The following PCDH7 variants were observed in gnomAD, a reference collection of about 807,000 sequenced individuals.
The protein encoded by PCDH7 is protocadherin-7.
A neutral mutation model predicts 58.9 loss-of-function variants in PCDH7; 17 were observed. The ratio of observed to expected loss-of-function variants is 0.29; its 90% CI spans 0.20 to 0.43. The LOEUF is 0.43. Ranked by LOEUF, PCDH7 falls within the 20% of genes least tolerant of loss-of-function variation. The pLI is 1.00. For missense variants in PCDH7, 1,274 were observed against 1,441.0 expected, an observed-to-expected ratio of 0.88 and a Z score of 1.88; for synonymous variants, 664 against 616.4, an observed-to-expected ratio of 1.08 and a Z score of -1.14.
At chr4:30,824,123 CTT>C (rs1340427583) in intron 1 of PCDH7, among the ~76,000 whole-genome samples, 1 of 144,590 alleles carries the variant, frequency 6.9e-6, no homozygotes, top group Non-Finnish European at 1.5e-5. Flanking sequence ...TTCTTTCTTT[CTT>C]TCTTTCTTTC....
intron 3 of PCDH7, among the ~76,000 whole-genome samples, chr4:31,065,701 T>G (rs1269641256): frequency 6.6e-6 from 1 of 151,964 alleles, no homozygotes; most frequent in African/African-American, 2.4e-5. Flanking sequence ...AAATTCACTT[T>G]ATGTTTTTGT....
intron 3 of PCDH7, among the ~76,000 whole-genome samples, chr4:31,140,995 C>T (rs1015474160): frequency 6.6e-5 from 10 of 152,114 alleles, no homozygotes; most frequent in Non-Finnish European, 1.2e-4. Context: ...AATCCCAGGA[C>T]GCTGTTTCAA....
At chr4:30,804,442 G>C (rs768302380) in intron 1 of PCDH7, among the ~76,000 whole-genome samples, 6 of 151,938 alleles carry the variant, frequency 3.9e-5, no homozygotes, top group Admixed American at 6.6e-5. Context: ...AGGAGGCTGA[G>C]GCAGGGGAAT....
intron 3 of PCDH7, among the ~76,000 whole-genome samples, chr4:30,979,214 T>C (rs1471937904): frequency 6.6e-6 from 1 of 151,078 alleles, no homozygotes; most frequent in Admixed American, 6.6e-5. Context: ...TAGTCCCAGA[T>C]GCTTGGGAGG....
chr4:30,892,461 C>T (rs978930322), intron 1 of PCDH7, among the ~76,000 whole-genome samples: 2 of 151,862 alleles, frequency 1.3e-5, no homozygotes, highest in African/African-American at 4.8e-5. Flanking sequence ...CTTAAATTAA[C>T]TGAGAAGGCA....
intron 1 of PCDH7, among the ~76,000 whole-genome samples, chr4:30,812,203 G>A (rs1727109848): frequency 6.6e-6 from 1 of 152,142 alleles, no homozygotes; most frequent in Admixed American, 6.6e-5. Flanking sequence ...AACTCTTGAT[G>A]TTCTAGTCTG....
intron 1 of PCDH7, among the ~76,000 whole-genome samples, chr4:30,914,641 T>A (rs1742186739): frequency 6.6e-6 from 1 of 152,226 alleles, no homozygotes; most frequent in Admixed American, 6.5e-5. Flanking sequence ...GCTCTATATT[T>A]TCTTAAAAAG....
intron 3 of PCDH7, among the ~76,000 whole-genome samples, chr4:30,976,744 A>G (rs1263705595): frequency 6.6e-6 from 1 of 152,174 alleles, no homozygotes; most frequent in Non-Finnish European, 1.5e-5. Context: ...AATATGGGAA[A>G]CACGTTTGGT....
At chr4:31,119,136 T>C (rs897121119) in intron 3 of PCDH7, among the ~76,000 whole-genome samples, 7 of 152,218 alleles carry the variant, frequency 4.6e-5, no homozygotes, top group Non-Finnish European at 7.3e-5. Context: ...ATATGTTTTC[T>C]TTCTTCATGA....
chr4:31,103,107 A>G (rs926215139), intron 3 of PCDH7, among the ~76,000 whole-genome samples: 4 of 152,208 alleles, frequency 2.6e-5, no homozygotes, highest in Non-Finnish European at 5.9e-5. Flanking sequence ...AATATTAGCT[A>G]TAATACAGGT....
intron 1 of PCDH7, among the ~76,000 whole-genome samples, chr4:30,892,601 T>G (rs1301583477): frequency 6.6e-6 from 1 of 152,058 alleles, no homozygotes; most frequent in Non-Finnish European, 1.5e-5. Flanking sequence ...CTGCATAGGT[T>G]TGTGAAAAAT....
At chr4:31,086,482 A>T (rs1712456078) in intron 3 of PCDH7, among the ~76,000 whole-genome samples, 2 of 152,196 alleles carry the variant, frequency 1.3e-5, no homozygotes, top group African/African-American at 2.4e-5. Context: ...AGGCTAAAAA[A>T]TGCTTGACCC....
At chr4:30,954,148 A>T (rs1446216572) in intron 3 of PCDH7, among the ~76,000 whole-genome samples, 1 of 152,028 alleles carries the variant, frequency 6.6e-6, no homozygotes, top group Admixed American at 6.6e-5. Context: ...ATTATGGCAC[A>T]CTCTGCAAGG....
chr4:30,810,551 T>A (rs2109313105), intron 1 of PCDH7, among the ~76,000 whole-genome samples: 1 of 152,134 alleles, frequency 6.6e-6, no homozygotes, highest in Admixed American at 6.5e-5. Flanking sequence ...AAATTATGAT[T>A]TTTTAAAAAA....
At chr4:30,982,105 A>G (rs1275051056) in intron 3 of PCDH7, among the ~76,000 whole-genome samples, 1 of 152,218 alleles carries the variant, frequency 6.6e-6, no homozygotes, top group Non-Finnish European at 1.5e-5. Flanking sequence ...GGGATAATGT[A>G]TATGTTAGTT....
intron 3 of PCDH7, among the ~76,000 whole-genome samples, chr4:31,121,598 A>C (rs1017585282): frequency 1.3e-5 from 2 of 152,172 alleles, no homozygotes; most frequent in African/African-American, 4.8e-5. Flanking sequence ...AAATATGATT[A>C]CTAGTTGAGA....
chr4:30,963,485 A>G (rs1748677470), intron 3 of PCDH7, among the ~76,000 whole-genome samples: 1 of 152,212 alleles, frequency 6.6e-6, no homozygotes, highest in Admixed American at 6.5e-5. Flanking sequence ...ATTTCACCTA[A>G]CAATGAGTAT....
chr4:31,007,727 G>A (rs551045051), intron 3 of PCDH7, among the ~76,000 whole-genome samples: 37 of 151,910 alleles, frequency 2.4e-4, no homozygotes, highest in Non-Finnish European at 3.5e-4. Flanking sequence ...ATTGTGTGCC[G>A]TATGTGGTAA....
intron 1 of PCDH7, among the ~76,000 whole-genome samples, chr4:30,819,648 A>C (rs967953230): frequency 1.3e-5 from 2 of 152,124 alleles, no homozygotes; most frequent in South Asian, 4.1e-4. Context: ...AACTAAGTTA[A>C]AGTTGGTTAT....
Sources: gnomAD v4.1 joint callset for allele counts (sites outside exome capture counted in the v4.1 genomes callset) on GRCh38, gnomAD v4.1.1 for gene constraint, MANE v1.5 for transcripts, NCBI Gene and HGNC (gene_info 2026-07-23, HGNC 2026-07-21) for gene names.